IGF2BP3: variants seen among roughly 807,000 people sequenced by gnomAD.
The protein encoded by IGF2BP3 is insulin-like growth factor 2 mRNA-binding protein 3.
IGF2BP3 carries 9 observed loss-of-function variants against 73.8 expected under a neutral mutation model. That is an observed-to-expected ratio of 0.12 (90% CI 0.07 to 0.21). The LOEUF is 0.21. Among genes scored for constraint, IGF2BP3 ranks in the 10% least tolerant of loss-of-function variants. The probability of loss-of-function intolerance (pLI) is 1.00; values close to 1 mark genes in which losing one functional copy is unlikely to be tolerated. For missense variants in IGF2BP3, 542 were observed against 714.0 expected (o/e 0.76, Z 2.75); for synonymous variants, 258 against 256.7 (o/e 1.01, Z -0.05).
chr7:23,329,490 CA>C (rs760917956), intron 10 of IGF2BP3, among the ~76,000 whole-genome samples: 9 of 152,206 alleles, frequency 5.9e-5, no homozygotes, highest in Non-Finnish European at 1.0e-4. Flanking sequence ...ACTGCTGAGT[CA>C]AAAGGGCCTG....
chr7:23,407,545 T>A (rs1421350464), intron 3 of IGF2BP3, among the ~76,000 whole-genome samples: 2 of 150,076 alleles, frequency 1.3e-5, no homozygotes, highest in African/African-American at 2.5e-5. Flanking sequence ...GAGGCAGAGG[T>A]TGTGGTGAGC....
chr7:23,456,684 G>A (rs1047887590), intron 2 of IGF2BP3, among the ~76,000 whole-genome samples: 3 of 152,140 alleles, frequency 2.0e-5, no homozygotes, highest in Admixed American at 6.5e-5. Context: ...TTACTCAAAC[G>A]GTCTCACTGC....
At position 23,438,143 on chromosome 7, in the gene IGF2BP3, G is replaced by A. The variant is rs529554054; in HGVS notation, c.237-19319C>T. 1.2e-4 allele frequency among the ~76,000 whole-genome samples: 18 copies of A among 152,166 alleles called. No homozygotes were observed. In the South Asian group the frequency reaches 2.3e-3, roughly 19 times the overall value. On this transcript the variant is annotated intron_variant, in intron 2 of 14. Coordinates refer to ENST00000258729, the MANE Select transcript of IGF2BP3 (RefSeq NM_006547.3). The stretch of plus-strand genomic sequence containing the variant: ...TTTCAAATTTTAATTTTTTTGAGAC[G>A]GAGTCTCACTCTGTTGCCCAGGCTG...
intron 5 of IGF2BP3, among the ~76,000 whole-genome samples, chr7:23,357,858 G>C (rs977468522): frequency 4.6e-5 from 7 of 152,230 alleles, no homozygotes; most frequent in South Asian, 2.1e-4. Flanking sequence ...CCGTATTTGA[G>C]GACTCTTCTT....
At chr7:23,442,843 G>A (rs1787968316) in intron 2 of IGF2BP3, among the ~76,000 whole-genome samples, 2 of 151,922 alleles carry the variant, frequency 1.3e-5, no homozygotes, top group African/African-American at 4.8e-5. Flanking sequence ...TTACTAAAAT[G>A]TCCATCTAGT....
chr7:23,420,992 G>GT lies in IGF2BP3; in HGVS notation c.237-2169dup, dbSNP rs1369518697. Among the ~76,000 whole-genome samples the GT allele has an allele frequency of 3.9e-5, 6 of 152,180 alleles. No homozygotes were observed. The East Asian group carries it at 1.2e-3, about 29-fold the overall frequency. On this transcript the variant is annotated intron_variant, in intron 2 of 14. Coordinates refer to ENST00000258729, the MANE Select transcript of IGF2BP3 (RefSeq NM_006547.3). ...AGGACAGGTACCTCTCTGCTTTTAT[G>GT]TAAGTTTTATATTTTCTTTTTCTTT...
intron 10 of IGF2BP3, among the ~76,000 whole-genome samples, chr7:23,327,075 T>TAAA (rs1405276984): frequency 0.033 from 4,708 of 142,060 alleles, 224 homozygotes; most frequent in African/African-American, 0.12. Context: ...AATAAATAAA[T>TAAA]TAATTAATTA....
At position 23,330,171 on chromosome 7, in the gene IGF2BP3, A is replaced by C. The variant is rs951136102; in HGVS notation, c.1204-10917T>G. 2.6e-5 allele frequency among the ~76,000 whole-genome samples: 4 copies of C among 152,170 alleles called. No homozygotes were observed. The East Asian group carries it at 7.7e-4, about 29-fold the overall frequency. ...CATGGTGGCAGGCACCTGTAATCCC[A>C]GCTACTCGAGAGGCTGAGGCAGGAG... On this transcript the variant is annotated intron_variant, in intron 10 of 14. Transcript: ENST00000258729.
At chr7:23,319,365 T>C (rs1784075570) in intron 10 of IGF2BP3, 111 bp from the exon 11 acceptor site, 2 of 688,052 alleles carry the variant, frequency 2.9e-6, no homozygotes, top group South Asian at 1.9e-5. Flanking sequence ...ACCAGGAAAG[T>C]TTAAGGAAAA....
In IGF2BP3 at chr7:23,389,543, GT is replaced by G. The variant is rs546630324; in HGVS notation, c.286-27803del. 5.6e-3 allele frequency among the ~76,000 whole-genome samples: 814 copies of G among 145,460 alleles called. 7 individuals are homozygous for G. The highest frequency in any genetic ancestry group is 0.019 in the African/African-American group (743 of 39,868). On this transcript the variant is annotated intron_variant, in intron 3 of 14. Coordinates refer to ENST00000258729, the MANE Select transcript of IGF2BP3 (RefSeq NM_006547.3). ...AATTACATGCAATATATTCAGTACTGTTTTTTTTTTTAAATTACAAGACTAC... is the reference window on the plus strand; with the variant it reads ...AATTACATGCAATATATTCAGTACTGTTTTTTTTTTAAATTACAAGACTAC...
chr7:23,341,009 C>T (rs893648250), intron 10 of IGF2BP3, among the ~76,000 whole-genome samples: 4 of 151,914 alleles, frequency 2.6e-5, no homozygotes, highest in Admixed American at 6.6e-5. Context: ...GCCACCACTC[C>T]GGCTAATTTT....
At chr7:23,381,930 G>A (rs1477602842) in intron 3 of IGF2BP3, among the ~76,000 whole-genome samples, 1 of 152,046 alleles carries the variant, frequency 6.6e-6, no homozygotes, top group Non-Finnish European at 1.5e-5. Flanking sequence ...TAATCACTGG[G>A]CAAAGATGTA....
chr7:23,432,267 T>C (rs1403891186), intron 2 of IGF2BP3, among the ~76,000 whole-genome samples: 1 of 152,260 alleles, frequency 6.6e-6, no homozygotes, highest in East Asian at 1.9e-4. Context: ...AATGTTTTTC[T>C]ACGTACTCTC....
In IGF2BP3 at chr7:23,311,646, G is replaced by C. The variant is rs1562661455; in HGVS notation, c.*716C>G. On this transcript the variant is annotated 3_prime_UTR_variant, in exon 15 of 15. Transcript: ENST00000258729. Reference sequence around the variant, plus strand: ...TTTCCAGCTTTACTGTCACCAGCCAGAAGTAAAAATCTTAATTTGCCTGTT... The same window carrying C: ...TTTCCAGCTTTACTGTCACCAGCCACAAGTAAAAATCTTAATTTGCCTGTT... The C allele has an allele frequency of 6.6e-6, 1 of 152,424 alleles. No homozygotes were observed. Among genetic ancestry groups the C allele is most frequent in the East Asian group, 1.9e-4 (1 of 5,202 alleles). 9.4% of individuals were successfully genotyped at this position (152,424 alleles called of 1,614,324 possible).
chr7:23,394,898 T>C (rs898247239), intron 3 of IGF2BP3, among the ~76,000 whole-genome samples: 2 of 152,190 alleles, frequency 1.3e-5, no homozygotes, highest in African/African-American at 4.8e-5. Context: ...GAAATGTTTG[T>C]TCAGCTGGGC....
intron 2 of IGF2BP3, among the ~76,000 whole-genome samples, chr7:23,446,163 AAAT>A (rs1222567478): frequency 6.6e-6 from 1 of 152,228 alleles, no homozygotes; most frequent in East Asian, 1.9e-4. Context: ...CTGAGCAACA[AAAT>A]AACAACTGTA....
At chr7:23,348,506 G>A (rs954831154) in intron 6 of IGF2BP3, among the ~76,000 whole-genome samples, 1 of 152,180 alleles carries the variant, frequency 6.6e-6, no homozygotes, top group Non-Finnish European at 1.5e-5. Context: ...CTCAAGAACT[G>A]TATTTCTTGT....
At chr7:23,351,097 C>G (rs1442869873) in intron 6 of IGF2BP3, among the ~76,000 whole-genome samples, 2 of 152,152 alleles carry the variant, frequency 1.3e-5, no homozygotes, top group Admixed American at 6.5e-5. Flanking sequence ...GTGTGAAAAT[C>G]TGACGTTCCC....
intron 3 of IGF2BP3, among the ~76,000 whole-genome samples, chr7:23,391,524 A>G (rs2128521326): frequency 6.6e-6 from 1 of 152,276 alleles, no homozygotes; most frequent in African/African-American, 2.4e-5. Flanking sequence ...AGACACTCAG[A>G]CTTTCTGATC....
Sources: allele counts gnomAD v4.1 joint callset (sites outside exome capture counted in the v4.1 genomes callset), GRCh38; gene constraint gnomAD v4.1.1; transcripts MANE v1.5; gene names NCBI Gene and HGNC (gene_info 2026-07-23, HGNC 2026-07-21).